Variants in UTRN observed in about 807,000 individuals in gnomAD.
UTRN encodes utrophin, also known as dystrophin-related protein 1.
Under a neutral mutation model 463.9 loss-of-function variants are expected in UTRN, and 283 were observed. The observed-to-expected ratio is 0.61, with a 90% CI of 0.55 to 0.67. UTRN has a LOEUF of 0.67. UTRN is among the 30% of genes least tolerant of loss of function. The probability of loss-of-function intolerance (pLI) is 0.00; values close to 1 mark genes in which losing one functional copy is unlikely to be tolerated. For synonymous variants in UTRN, 1,442 were observed against 1,431.5 expected, an observed-to-expected ratio of 1.01 and a Z score of -0.17; for missense variants, 3,922 against 4,084.3, an observed-to-expected ratio of 0.96 and a Z score of 1.08.
chr6:144,383,160 G>A (rs1166747747), intron 2 of UTRN, among the ~76,000 whole-genome samples: 1 of 151,528 alleles, frequency 6.6e-6, no homozygotes, highest in Non-Finnish European at 1.5e-5. Context: ...TCGAACTCCT[G>A]GGCTCAAGTG....
At chr6:144,363,356 T>G (rs1301745560) in intron 2 of UTRN, among the ~76,000 whole-genome samples, 1 of 152,232 alleles carries the variant, frequency 6.6e-6, no homozygotes, top group Non-Finnish European at 1.5e-5. Flanking sequence ...CATTTTGAAA[T>G]TGACGCACAG....
Position 144,702,618 on chromosome 6 carries a change from T to C in UTRN, c.7809+2375T>C, listed in dbSNP as rs9497052. Among the ~76,000 whole-genome samples, 716 of 152,206 alleles carry C rather than the reference T, an allele frequency of 4.7e-3. 4 individuals carry two copies. Among genetic ancestry groups the C allele is most frequent in the African/African-American group, 0.017 (691 of 41,534 alleles). On this transcript the variant is annotated intron_variant, in intron 53 of 74. Transcript: ENST00000367545. The stretch of plus-strand genomic sequence containing the variant: ...GTGGGATTATAGGCCAAGGTGCTAT[T>C]TTATATGGAGAAGGTCAGGAAAGTA...
chr6:144,468,592 ATGTGTG>A (rs1002248406), intron 23 of UTRN, among the ~76,000 whole-genome samples: 1 of 146,418 alleles, frequency 6.8e-6, no homozygotes, highest in African/African-American at 2.5e-5. Context: ...CCTTAAAGAA[ATGTGTG>A]TGTGTGTGTG....
At chr6:144,463,579 C>A (rs1455697434) in intron 23 of UTRN, among the ~76,000 whole-genome samples, 1 of 150,508 alleles carries the variant, frequency 6.6e-6, no homozygotes, top group Admixed American at 6.6e-5. Flanking sequence ...TCTCTCCCTG[C>A]AAGGCTTCCT....
At chr6:144,531,281 A>G (rs1797037502) in intron 42 of UTRN, 79 bp downstream of exon 42, 1 of 1,308,520 alleles carries the variant, frequency 7.6e-7, no homozygotes, top group Non-Finnish European at 1.0e-6. Context: ...AGAAGTAGGG[A>G]CAAAATATAT....
chr6:144,715,217 A>G (rs577650786), intron 53 of UTRN, among the ~76,000 whole-genome samples: 6 of 152,308 alleles, frequency 3.9e-5, no homozygotes, highest in South Asian at 2.1e-4. Flanking sequence ...TGGTAGGAAT[A>G]TTATTTCAGT....
At chr6:144,490,908 T>C in intron 31 of UTRN, 21 bp from the exon 32 acceptor site, 1 of 1,557,472 alleles carries the variant, frequency 6.4e-7, no homozygotes, top group Non-Finnish European at 8.7e-7. Flanking sequence ...GGGAATTGCA[T>C]ATTTTCATTT....
chr6:144,302,393 C>T (rs547115759), intron 2 of UTRN, among the ~76,000 whole-genome samples: 2 of 152,082 alleles, frequency 1.3e-5, no homozygotes, highest in African/African-American at 2.4e-5. Context: ...CACCTGTAAT[C>T]CCAGCTACTT....
rs943586873 is a variant in UTRN at position 144,586,828 on chromosome 6, C to T, written c.7479+9540C>T. Among the ~76,000 whole-genome samples the T allele has an allele frequency of 3.3e-5, 5 of 152,092 alleles. 1 individual carries two copies. The South Asian group carries it at 1.0e-3, about 31-fold the overall frequency. ...AAAAATATTTAGTGCTGTAAATTGA[C>T]TCCTTCGTGACTCAAGCATTTTAGA... On this transcript the variant is annotated intron_variant, in intron 51 of 74. Coordinates refer to ENST00000367545, the MANE Select transcript of UTRN (RefSeq NM_007124.3).
chr6:144,761,195 ACTAGT>A (rs993644404), intron 58 of UTRN, among the ~76,000 whole-genome samples: 9 of 152,188 alleles, frequency 5.9e-5, no homozygotes, highest in African/African-American at 2.2e-4. Context: ...TTAAGTTAAA[ACTAGT>A]CTATATAGCA....
intron 25 of UTRN, among the ~76,000 whole-genome samples, chr6:144,476,116 C>T (rs1227925817): frequency 6.7e-6 from 1 of 149,356 alleles, no homozygotes; most frequent in Non-Finnish European, 1.5e-5. Context: ...TTCTTAGAGG[C>T]TGAGGCAAAA....
At chr6:144,431,131 GATCT>G (rs1785797610) in intron 9 of UTRN, among the ~76,000 whole-genome samples, 1 of 152,104 alleles carries the variant, frequency 6.6e-6, no homozygotes, top group Non-Finnish European at 1.5e-5. Flanking sequence ...TGGCTCAGAT[GATCT>G]TCTGAGTTTG....
chr6:144,421,790 A>G, intron 3 of UTRN, 88 bp from the exon 4 acceptor site: 1 of 937,962 alleles, frequency 1.1e-6, no homozygotes, highest in Non-Finnish European at 1.5e-6. Context: ...TTGAGCAAAA[A>G]ATGAAGCCAC....
At chr6:144,828,921 A>G (rs1046375812) in intron 69 of UTRN, 66 bp downstream of exon 69, 21 of 1,542,724 alleles carry the variant, frequency 1.4e-5, no homozygotes, top group Non-Finnish European at 1.9e-5. Flanking sequence ...TGTCAGAAAC[A>G]ATCTTCACTG....
At chr6:144,746,566 T>A (rs1586354974) in intron 54 of UTRN, among the ~76,000 whole-genome samples, 2 of 152,136 alleles carry the variant, frequency 1.3e-5, no homozygotes, top group East Asian at 3.9e-4. Context: ...AACCTCCATC[T>A]CCTGGGTTCA....
intron 64 of UTRN, among the ~76,000 whole-genome samples, chr6:144,799,092 T>C (rs1359573903): frequency 6.6e-6 from 1 of 152,244 alleles, no homozygotes; most frequent in African/African-American, 2.4e-5. Flanking sequence ...ACGGTGATTC[T>C]CTGAGGGAGA....
intron 51 of UTRN, among the ~76,000 whole-genome samples, chr6:144,671,687 G>T (rs1374664978): frequency 6.6e-6 from 1 of 152,066 alleles, no homozygotes; most frequent in African/African-American, 2.4e-5. Flanking sequence ...AGGACTTCCA[G>T]TGCTATGTTG....
At chr6:144,492,798 G>A (rs958346278) in intron 32 of UTRN, among the ~76,000 whole-genome samples, 8 of 152,010 alleles carry the variant, frequency 5.3e-5, no homozygotes, top group South Asian at 2.1e-4. Context: ...TTGATATATC[G>A]AGTTTTGTAT....
At position 144,751,765 on chromosome 6, in the gene UTRN, T is replaced by C. The variant is rs9399497; in HGVS notation, c.8209-41T>C. ...GGATCAACTGTATTAGCTTTTGTTA[T>C]ATTCGTTTCCAATAATATATTTTTT... On this transcript the variant is annotated intron_variant, in intron 55 of 74. Coordinates refer to ENST00000367545, the MANE Select transcript of UTRN (RefSeq NM_007124.3). 2.4e-3 allele frequency: 3,692 copies of C among 1,551,028 alleles called. 129 individuals are homozygous for C. In the East Asian group the frequency reaches 0.07, roughly 30 times the overall value.
Sources: allele counts gnomAD v4.1 joint callset (sites outside exome capture counted in the v4.1 genomes callset), GRCh38; gene constraint gnomAD v4.1.1; transcripts MANE v1.5; gene names NCBI Gene and HGNC (gene_info 2026-07-23, HGNC 2026-07-21).